The following CDH12 variants were observed in gnomAD, a reference collection of about 807,000 sequenced individuals.
The protein encoded by CDH12 is cadherin-12.
CDH12 carries 41 observed loss-of-function variants against 74.1 expected under a neutral mutation model. The observed-to-expected ratio is 0.55, with a 90% CI of 0.43 to 0.72. The LOEUF is 0.72. Among genes scored for constraint, CDH12 ranks in the 30% least tolerant of loss-of-function variants. The pLI, the probability that CDH12 is intolerant of heterozygous loss-of-function variation, is 0.00. For synonymous variants in CDH12, 399 were observed against 355.0 expected, an observed-to-expected ratio of 1.12 and a Z score of -1.39; for missense variants, 945 against 977.2, an observed-to-expected ratio of 0.97 and a Z score of 0.44.
chr5:22,359,392 C>A (rs193260509), intron 3 of CDH12, among the ~76,000 whole-genome samples: 134 of 152,184 alleles, frequency 8.8e-4, no homozygotes, highest in Admixed American at 2.6e-3. Context: ...ATCCTAAATA[C>A]ATATGCACCC....
At chr5:22,529,180 TATATATATAGAGAGAGAG>T (rs776629641) in intron 1 of CDH12, among the ~76,000 whole-genome samples, 2,551 of 86,462 alleles carry the variant, frequency 0.03, 58 homozygotes, top group African/African-American at 0.075. Context: ...TATATATATA[TATATATATAGAGAGAGAG>T]AGAGAGAGAG....
intron 2 of CDH12, among the ~76,000 whole-genome samples, chr5:22,422,633 T>C (rs945849355): frequency 2.0e-5 from 3 of 152,192 alleles, no homozygotes; most frequent in Non-Finnish European, 4.4e-5. Context: ...TTTTTATATA[T>C]TGAGAACCTG....
chr5:22,425,236 C>T (rs1221442246), intron 2 of CDH12, among the ~76,000 whole-genome samples: 2 of 147,928 alleles, frequency 1.4e-5, no homozygotes, highest in Non-Finnish European at 3.0e-5. Flanking sequence ...ATATTGGCCT[C>T]ATAATTCATT....
At chr5:22,039,036 G>T (rs557643040) in intron 5 of CDH12, among the ~76,000 whole-genome samples, 1 of 152,092 alleles carries the variant, frequency 6.6e-6, no homozygotes, top group South Asian at 2.1e-4. Flanking sequence ...GCCCCAACAG[G>T]GTTCAAGCAA....
intron 1 of CDH12, among the ~76,000 whole-genome samples, chr5:22,745,215 G>A (rs1745231918): frequency 6.6e-6 from 1 of 151,708 alleles, no homozygotes; most frequent in Admixed American, 6.6e-5. Context: ...TTAGTATCAT[G>A]GTACTAAGTT....
At chr5:22,114,595 G>A (rs951629417) in intron 4 of CDH12, among the ~76,000 whole-genome samples, 11 of 152,130 alleles carry the variant, frequency 7.2e-5, no homozygotes, top group Admixed American at 1.3e-4. Context: ...CATGTAAACT[G>A]CTGCACATGT....
intron 1 of CDH12, among the ~76,000 whole-genome samples, chr5:22,513,296 T>A (rs1337141723): frequency 6.6e-6 from 1 of 151,770 alleles, no homozygotes; most frequent in African/African-American, 2.4e-5. Context: ...TTTCTCCTGA[T>A]ACAGCTGAGC....
At chr5:22,824,910 C>G (rs978801636) in intron 1 of CDH12, among the ~76,000 whole-genome samples, 3 of 151,292 alleles carry the variant, frequency 2.0e-5, no homozygotes, top group Admixed American at 6.6e-5. Context: ...ATTTATATAT[C>G]TATAGAAAGT....
intron 4 of CDH12, among the ~76,000 whole-genome samples, chr5:22,190,593 G>T (rs1750220537): frequency 6.6e-6 from 1 of 152,124 alleles, no homozygotes; most frequent in Non-Finnish European, 1.5e-5. Flanking sequence ...AGCCACAGAT[G>T]TTAGAATTTC....
At position 21,858,894 on chromosome 5, in the gene CDH12, G is replaced by A. The variant is rs1750886346; in HGVS notation, c.527-4104C>T. Among the ~76,000 whole-genome samples the A allele has an allele frequency of 3.3e-5, 5 of 151,816 alleles. No individual in the cohort carries two copies. The South Asian group carries it at 1.0e-3, about 31-fold the overall frequency. On this transcript the variant is annotated intron_variant, in intron 6 of 14. Coordinates refer to ENST00000382254, the MANE Select transcript of CDH12 (RefSeq NM_004061.5). ...TGTATGTATTTCTTGTATAGAGCAC[G>A]TTTTGAAATATGTATACATTGTGGA...
chr5:21,832,428 A>C (rs1561223178), intron 8 of CDH12, among the ~76,000 whole-genome samples: 1 of 151,990 alleles, frequency 6.6e-6, no homozygotes, highest in Non-Finnish European at 1.5e-5. Context: ...CTTATAGGAG[A>C]ATCTGGAGCA....
chr5:22,530,271 C>A (rs1158082033), intron 1 of CDH12, among the ~76,000 whole-genome samples: 1 of 152,082 alleles, frequency 6.6e-6, no homozygotes, highest in East Asian at 1.9e-4. Flanking sequence ...ATATGCTTTT[C>A]ATTTTGTCCT....
chr5:21,867,932 G>A (rs1196143736), intron 6 of CDH12, among the ~76,000 whole-genome samples: 3 of 152,132 alleles, frequency 2.0e-5, no homozygotes, highest in East Asian at 3.9e-4. Flanking sequence ...CTCATGTTGT[G>A]GGAGGGAACC....
intron 2 of CDH12, among the ~76,000 whole-genome samples, chr5:22,426,142 G>A (rs573604434): frequency 8.2e-5 from 12 of 146,710 alleles, no homozygotes; most frequent in South Asian, 4.3e-4. Context: ...AGCCGAGATC[G>A]CACCACTGCA....
rs1016181752 is a variant in CDH12 at position 22,685,394 on chromosome 5, T to C, written c.-523+167664A>G. On this transcript the variant is annotated intron_variant, in intron 1 of 14. Coordinates refer to ENST00000382254, the MANE Select transcript of CDH12 (RefSeq NM_004061.5). Reference sequence around the variant, plus strand: ...CTGGGACTACAGGCATATGCCACCATGCCCGGCTAATTTTTGTATTTTTAG... The same window carrying C: ...CTGGGACTACAGGCATATGCCACCACGCCCGGCTAATTTTTGTATTTTTAG... 5.9e-5 allele frequency among the ~76,000 whole-genome samples: 9 copies of C among 152,226 alleles called. No homozygotes were observed. The East Asian group carries it at 1.4e-3, about 23-fold the overall frequency.
At chr5:22,698,327 G>T (rs1490766641) in intron 1 of CDH12, among the ~76,000 whole-genome samples, 3 of 151,062 alleles carry the variant, frequency 2.0e-5, no homozygotes. Flanking sequence ...CACCATGTTG[G>T]TCAGGCTGGT....
chr5:22,127,431 C>A lies in CDH12; in HGVS notation c.-186-48569G>T, dbSNP rs1249467171. ...GGCGGAGGTTGCAGTGTGCCAAGAC[C>A]GCATCATTGCACTCCAGCCTGGACA... On this transcript the variant is annotated intron_variant, in intron 4 of 14. Transcript: ENST00000382254. Among the ~76,000 whole-genome samples the A allele has an allele frequency of 6.7e-5, 10 of 149,718 alleles. No individual in the cohort carries two copies. The Admixed American group carries it at 6.7e-4, about 10-fold the overall frequency.
At chr5:22,223,132 T>A (rs956072097) in intron 3 of CDH12, among the ~76,000 whole-genome samples, 13 of 151,986 alleles carry the variant, frequency 8.6e-5, no homozygotes, top group Admixed American at 5.3e-4. Context: ...TTTAGTTCAG[T>A]GTATTTTAGA....
chr5:22,166,310 T>G (rs1485503904), intron 4 of CDH12, among the ~76,000 whole-genome samples: 2 of 152,198 alleles, frequency 1.3e-5, no homozygotes, highest in Non-Finnish European at 2.9e-5. Flanking sequence ...CTTCTAAGTA[T>G]TTTTTAATGA....
Sources: gnomAD v4.1 joint callset for allele counts (sites outside exome capture counted in the v4.1 genomes callset) on GRCh38, gnomAD v4.1.1 for gene constraint, MANE v1.5 for transcripts, NCBI Gene and HGNC (gene_info 2026-07-23, HGNC 2026-07-21) for gene names.